Variants in DAB1 observed in about 807,000 individuals in gnomAD.
DAB1 encodes disabled homolog 1.
Under a neutral mutation model 64.6 loss-of-function variants are expected in DAB1, and 15 were observed. The observed-to-expected ratio is 0.23, with a 90% CI of 0.16 to 0.36. The LOEUF is 0.36. DAB1 is among the 10% of genes least tolerant of loss of function. The pLI, the probability that DAB1 is intolerant of heterozygous loss-of-function variation, is 1.00. For missense variants in DAB1, 596 were observed against 706.7 expected (o/e 0.84, Z 1.78); for synonymous variants, 235 against 251.9 (o/e 0.93, Z 0.64).
chr1:57,113,875 G>A (rs185670117), intron 4 of DAB1, among the ~76,000 whole-genome samples: 521 of 152,200 alleles, frequency 3.4e-3, no homozygotes, highest in South Asian at 8.9e-3. Context: ...GATCTTTCTC[G>A]TAAATACTCA....
intron 4 of DAB1, among the ~76,000 whole-genome samples, chr1:58,288,878 T>C (rs1473706350): frequency 6.6e-6 from 1 of 152,202 alleles, no homozygotes; most frequent in Non-Finnish European, 1.5e-5. Context: ...CTGGTCATAT[T>C]TCTCTGCTCC....
intron 4 of DAB1, among the ~76,000 whole-genome samples, chr1:58,225,265 C>A (rs562387657): frequency 1.3e-5 from 2 of 152,070 alleles, no homozygotes; most frequent in Non-Finnish European, 2.9e-5. Context: ...CAATGAGATA[C>A]CATCTCACAC....
chr1:58,354,966 C>T (rs1644096223), intron 3 of DAB1, among the ~76,000 whole-genome samples: 1 of 152,174 alleles, frequency 6.6e-6, no homozygotes, highest in Non-Finnish European at 1.5e-5. Flanking sequence ...GATTTTTCAG[C>T]TCAAATTTAC....
upstream of DAB1, among the ~76,000 whole-genome samples, chr1:57,426,489 G>GA (rs1295828263): frequency 6.6e-6 from 1 of 152,024 alleles, no homozygotes; most frequent in Non-Finnish European, 1.5e-5. Flanking sequence ...ATAATTAGGG[G>GA]TTTTTTTCTT....
rs986797487 is a variant in DAB1, at chr1:57,159,872, A to G, written c.68-14443T>C. Among the ~76,000 whole-genome samples, 5 of 151,072 alleles carry G rather than the reference A, an allele frequency of 3.3e-5. No individual in the cohort carries two copies. In the East Asian group the frequency reaches 7.7e-4, roughly 23 times the overall value. On this transcript the variant is annotated intron_variant, in intron 2 of 14. Coordinates refer to ENST00000371236, the MANE Select transcript of DAB1 (RefSeq NM_001365792.1). Reference sequence around the variant, plus strand: ...GCAGCAAGACAAAAAAAAAAAAAAAAAAAAAGGAAAAACCTCTTGGTTTTA... The same window carrying G: ...GCAGCAAGACAAAAAAAAAAAAAAAGAAAAAGGAAAAACCTCTTGGTTTTA...
intron 4 of DAB1, among the ~76,000 whole-genome samples, chr1:58,173,521 C>T (rs1033534445): frequency 1.3e-5 from 2 of 152,272 alleles, no homozygotes; most frequent in Admixed American, 6.5e-5. Context: ...TTTAATCACT[C>T]TCTTGAATGG....
intron 11 of DAB1, among the ~76,000 whole-genome samples, chr1:57,021,842 G>T (rs551885158): frequency 6.6e-6 from 1 of 152,170 alleles, no homozygotes; most frequent in African/African-American, 2.4e-5. Context: ...GGAGTACCTG[G>T]AACTCTGATG....
At chr1:57,008,874 G>A (rs1646177742) in intron 14 of DAB1, among the ~76,000 whole-genome samples, 1 of 152,122 alleles carries the variant, frequency 6.6e-6, no homozygotes. Context: ...AGCTGAGTTA[G>A]GATTTAAACT....
chr1:57,757,454 C>T (rs952272099), intron 6 of DAB1, among the ~76,000 whole-genome samples: 3 of 151,978 alleles, frequency 2.0e-5, no homozygotes, highest in Non-Finnish European at 2.9e-5. Context: ...AGGGTGAATA[C>T]TCCCTTCCTC....
intron 1 of DAB1, among the ~76,000 whole-genome samples, chr1:57,422,634 AC>A (rs1685012341): frequency 6.6e-6 from 1 of 150,410 alleles, no homozygotes; most frequent in East Asian, 2.0e-4. Flanking sequence ...CGGCCTCCCC[AC>A]CCCCACGCCA....
At chr1:57,390,746 A>G (rs562775503) in intron 1 of DAB1, among the ~76,000 whole-genome samples, 1 of 152,346 alleles carries the variant, frequency 6.6e-6, no homozygotes, top group East Asian at 1.9e-4. Flanking sequence ...TTCATTATTC[A>G]GCCTATCTTA....
rs111231475 is a variant in DAB1 at position 58,440,937 on chromosome 1, G to A, written n.257+65123C>T. ...GCATGATTAAGTCAGCTACTACAGTGGGTAACTAGTGCTTAATCTTTCAGG... is the reference window on the plus strand; with the variant it reads ...GCATGATTAAGTCAGCTACTACAGTAGGTAACTAGTGCTTAATCTTTCAGG... On this transcript the variant is annotated intron_variant and non_coding_transcript_variant, in intron 3 of 20. Transcript: ENST00000485760. Among the ~76,000 whole-genome samples the A allele has an allele frequency of 3.5e-3, 528 of 152,272 alleles. 2 individuals are homozygous for A. Among genetic ancestry groups the A allele is most frequent in the African/African-American group, 0.012 (508 of 41,554 alleles).
At chr1:57,900,885 T>G (rs550510574) in intron 5 of DAB1, among the ~76,000 whole-genome samples, 3 of 152,216 alleles carry the variant, frequency 2.0e-5, no homozygotes, top group African/African-American at 7.2e-5. Context: ...GACTATATTT[T>G]CCAGTTCACT....
At chr1:58,452,594 G>A (rs1018835680) in intron 3 of DAB1, among the ~76,000 whole-genome samples, 3 of 150,200 alleles carry the variant, frequency 2.0e-5, no homozygotes, top group South Asian at 2.1e-4. Flanking sequence ...CGGATCACCT[G>A]AGGTCAGGAG....
At chr1:57,049,090 C>T (rs1356383238) in intron 9 of DAB1, among the ~76,000 whole-genome samples, 5 of 152,052 alleles carry the variant, frequency 3.3e-5, no homozygotes. Flanking sequence ...AAATGTGAGT[C>T]CTGGACTGAG....
At chr1:57,095,260 C>G (rs1570681573) in intron 4 of DAB1, among the ~76,000 whole-genome samples, 1 of 152,164 alleles carries the variant, frequency 6.6e-6, no homozygotes, top group South Asian at 2.1e-4. Context: ...AGGCAAGCGC[C>G]CTTTGTGTCT....
At chr1:58,241,283 A>C (rs1007475626) in intron 4 of DAB1, among the ~76,000 whole-genome samples, 7 of 151,742 alleles carry the variant, frequency 4.6e-5, no homozygotes, top group Admixed American at 3.9e-4. Flanking sequence ...CCATATACAC[A>C]AATTATTTCT....
chr1:58,065,875 C>G (rs762082867), intron 5 of DAB1, among the ~76,000 whole-genome samples: 16 of 152,202 alleles, frequency 1.1e-4, no homozygotes, highest in Non-Finnish European at 2.2e-4. Flanking sequence ...ACCTCCACAT[C>G]AACAAGTTAT....
Position 58,292,948 on chromosome 1 carries a change from T to C in DAB1, n.309+50404A>G, listed in dbSNP as rs79265767. 7.2e-3 allele frequency among the ~76,000 whole-genome samples: 1,095 copies of C among 152,218 alleles called. 15 individuals carry two copies. Among genetic ancestry groups the C allele is most frequent in the African/African-American group, 0.025 (1,022 of 41,532 alleles). On this transcript the variant is annotated intron_variant and non_coding_transcript_variant, in intron 4 of 20. Transcript: ENST00000485760. ...CCTTCACCGAGATCACATTCTAAAATTCTATGCTTGCGAATGGTGAAGTGG... is the reference window on the plus strand; with the variant it reads ...CCTTCACCGAGATCACATTCTAAAACTCTATGCTTGCGAATGGTGAAGTGG...
Sources: gnomAD v4.1 joint callset for allele counts (sites outside exome capture counted in the v4.1 genomes callset) on GRCh38, gnomAD v4.1.1 for gene constraint, MANE v1.5 for transcripts, NCBI Gene and HGNC (gene_info 2026-07-23, HGNC 2026-07-21) for gene names.